The following CHN2 variants were observed in gnomAD, a reference collection of about 807,000 sequenced individuals.
The protein encoded by CHN2 is beta-chimaerin.
A neutral mutation model predicts 56.3 loss-of-function variants in CHN2; 35 were observed. The observed-to-expected ratio is 0.62, with a 90% confidence interval of 0.47 to 0.82. CHN2 has a LOEUF of 0.82. Ranked by LOEUF, CHN2 falls within the 40% of genes least tolerant of loss-of-function variation. CHN2 has a pLI of 0.00. For missense variants in CHN2, 491 were observed against 580.5 expected, an observed-to-expected ratio of 0.85 and a Z score of 1.58; for synonymous variants, 210 against 212.8, an observed-to-expected ratio of 0.99 and a Z score of 0.12.
intron 7 of CHN2, among the ~76,000 whole-genome samples, chr7:29,488,646 C>T (rs141467511): frequency 1.1e-3 from 171 of 152,196 alleles, no homozygotes; most frequent in Non-Finnish European, 1.6e-3. Context: ...ATAAGGTTTC[C>T]ATCTATACCA....
At chr7:29,430,121 A>G (rs1782730530) in intron 6 of CHN2, among the ~76,000 whole-genome samples, 1 of 152,226 alleles carries the variant, frequency 6.6e-6, no homozygotes, top group Non-Finnish European at 1.5e-5. Context: ...ATCTTTGTTG[A>G]GTAACAGAGT....
intron 12 of CHN2, among the ~76,000 whole-genome samples, chr7:29,512,363 C>T (rs1041781676): frequency 3.9e-5 from 6 of 152,084 alleles, no homozygotes; most frequent in Non-Finnish European, 5.9e-5. Flanking sequence ...TCATTTCCAC[C>T]GGCGAAGGCA....
intron 3 of CHN2, among the ~76,000 whole-genome samples, chr7:29,370,700 C>T (rs1799541404): frequency 1.3e-5 from 2 of 152,128 alleles, no homozygotes; most frequent in African/African-American, 2.4e-5. Context: ...CACATTAGAG[C>T]ACCAAGCAAA....
At chr7:29,212,772 G>A in intron 1 of CHN2, 3 of 1,610,156 alleles carry the variant, frequency 1.9e-6, no homozygotes, top group Non-Finnish European at 2.5e-6. Flanking sequence ...AAAAACAACT[G>A]GCCGAAGAAT....
intron 1 of CHN2, among the ~76,000 whole-genome samples, chr7:29,289,366 G>T (rs1448522427): frequency 6.6e-6 from 1 of 152,122 alleles, no homozygotes; most frequent in African/African-American, 2.4e-5. Context: ...AATTCTGCAT[G>T]GCCCCGTCAC....
chr7:29,308,374 G>C (rs1794330363), intron 1 of CHN2, among the ~76,000 whole-genome samples: 1 of 152,190 alleles, frequency 6.6e-6, no homozygotes, highest in Non-Finnish European at 1.5e-5. Context: ...AGTCAGAAGA[G>C]TCTAAGTGCT....
chr7:29,362,849 C>T (rs1798851036), intron 2 of CHN2, among the ~76,000 whole-genome samples: 1 of 152,158 alleles, frequency 6.6e-6, no homozygotes, highest in Admixed American at 6.5e-5. Context: ...TGCATGTCCC[C>T]CATCACTGGC....
chr7:29,225,868 G>A (rs1786149225), intron 1 of CHN2, among the ~76,000 whole-genome samples: 1 of 152,078 alleles, frequency 6.6e-6, no homozygotes, highest in Non-Finnish European at 1.5e-5. Flanking sequence ...ATTATTCTGA[G>A]ACATGTCCTA....
chr7:29,250,609 C>T (rs1003531793), intron 1 of CHN2, among the ~76,000 whole-genome samples: 5 of 152,094 alleles, frequency 3.3e-5, no homozygotes, highest in East Asian at 1.9e-4. Context: ...CTCTGATTTC[C>T]GGTTAAACCT....
intron 1 of CHN2, among the ~76,000 whole-genome samples, chr7:29,344,413 T>C (rs1284578750): frequency 6.6e-6 from 1 of 152,146 alleles, no homozygotes; most frequent in East Asian, 1.9e-4. Context: ...ATCTGGCCCC[T>C]ACTTACTTCT....
At position 29,248,718 on chromosome 7, in the gene CHN2, A is replaced by T. The variant is rs528287834; in HGVS notation, c.49+53728A>T. Among the ~76,000 whole-genome samples the T allele has an allele frequency of 1.7e-3, 261 of 152,204 alleles. 1 individual carries two copies. The highest frequency in any genetic ancestry group is 6.8e-3 in the Middle Eastern group (2 of 294). ...TTTTTTCCCAGTGCTTCAAACCTGA[A>T]CCCTCAGCAGCATCTACTGGGGAAA... On this transcript the variant is annotated intron_variant, in intron 1 of 12. Coordinates refer to ENST00000222792, the MANE Select transcript of CHN2 (RefSeq NM_004067.4).
rs112587518 is a variant in CHN2, at chr7:29,364,336, T to C, written c.89-3596T>C. 7.5e-3 allele frequency among the ~76,000 whole-genome samples: 1,139 copies of C among 152,320 alleles called. 7 individuals carry two copies. The highest frequency in any genetic ancestry group is 0.025 in the African/African-American group (1,049 of 41,566). ...CTTGTAAGAATTGCAAAAGAGCACTTAGCTAAAAATGCTTCTCTTTTATAA... is the reference window on the plus strand; with the variant it reads ...CTTGTAAGAATTGCAAAAGAGCACTCAGCTAAAAATGCTTCTCTTTTATAA... On this transcript the variant is annotated intron_variant, in intron 2 of 12. Coordinates refer to ENST00000222792, the MANE Select transcript of CHN2 (RefSeq NM_004067.4).
At chr7:29,349,365 C>T (rs767544049) in intron 1 of CHN2, among the ~76,000 whole-genome samples, 12 of 152,198 alleles carry the variant, frequency 7.9e-5, no homozygotes, top group Non-Finnish European at 1.6e-4. Context: ...TATTATTACT[C>T]TCATTGTATA....
At chr7:29,360,847 A>G (rs998792864) in intron 2 of CHN2, among the ~76,000 whole-genome samples, 4 of 152,328 alleles carry the variant, frequency 2.6e-5, no homozygotes, top group Middle Eastern at 3.4e-3. Flanking sequence ...TTCACCCATT[A>G]GCCGTCTGAT....
intron 9 of CHN2, among the ~76,000 whole-genome samples, chr7:29,503,137 C>T (rs144462632): frequency 6.6e-4 from 100 of 152,168 alleles, no homozygotes; most frequent in Admixed American, 1.1e-3. Context: ...TCTTTGGAGA[C>T]GGAGGTCTCC....
intron 1 of CHN2, among the ~76,000 whole-genome samples, chr7:29,227,471 G>C (rs1023756928): frequency 4.6e-5 from 7 of 152,120 alleles, no homozygotes; most frequent in Admixed American, 1.3e-4. Context: ...CCACTTTATC[G>C]TAAGTCCATA....
In CHN2 at chr7:29,464,501, T is replaced by C. The variant is rs535493191; in HGVS notation, c.577-15778T>C. Among the ~76,000 whole-genome samples the C allele has an allele frequency of 4.8e-4, 73 of 152,326 alleles. 1 individual carries two copies. The highest frequency in any genetic ancestry group is 1.6e-3 in the African/African-American group (65 of 41,580). The stretch of plus-strand genomic sequence containing the variant: ...AACCACCATGGCACACGTTTACCTA[T>C]GTCACAAACCTGCACATTCTGCACA... On this transcript the variant is annotated intron_variant, in intron 6 of 12. Transcript: ENST00000222792.
intron 3 of CHN2, chr7:29,376,225 G>A (rs1014051831): frequency 2.0e-5 from 3 of 152,202 alleles, no homozygotes; most frequent in Admixed American, 2.0e-4. Flanking sequence ...AGAAATGACA[G>A]CTATCACATA....
chr7:29,293,362 G>GGCCCC (rs1792812098), intron 1 of CHN2, among the ~76,000 whole-genome samples: 1 of 53,116 alleles, frequency 1.9e-5, no homozygotes, highest in Non-Finnish European at 3.9e-5. Flanking sequence ...GGCAGCTAAT[G>GGCCCC]CCCCCCCCCC....
Sources: gnomAD v4.1 joint callset for allele counts (sites outside exome capture counted in the v4.1 genomes callset) on GRCh38, gnomAD v4.1.1 for gene constraint, MANE v1.5 for transcripts, NCBI Gene and HGNC (gene_info 2026-07-23, HGNC 2026-07-21) for gene names.